The following FRMPD3 variants were observed in gnomAD, a reference collection of about 807,000 sequenced individuals.
FRMPD3 encodes the protein FERM and PDZ domain containing 3, also known as FERM and PDZ domain-containing protein 3.
In FRMPD3, 42 loss-of-function variants were observed where a neutral mutation model predicts 97.9. The observed-to-expected ratio is 0.43, with a 90% CI of 0.34 to 0.55. FRMPD3 has a LOEUF of 0.55. Among genes scored for constraint, FRMPD3 ranks in the 20% least tolerant of loss-of-function variants. The pLI is 0.03. For missense variants in FRMPD3, 1,303 were observed against 1,457.7 expected (o/e 0.89, Z 1.73); for synonymous variants, 577 against 581.1 (o/e 0.99, Z 0.10).
intron 1 of FRMPD3, among the ~76,000 whole-genome samples, chrX:107,522,117 G>A (rs2147544465): frequency 9.0e-6 from 1 of 111,424 alleles, no homozygotes; most frequent in East Asian, 2.8e-4. Flanking sequence ...GCTGCTGGGA[G>A]AATGAGCGGA....
Position 107,601,443 on chromosome X carries a change from G to A in FRMPD3, c.3404G>A (p.Ser1135Asn). Residue 1135 changes from serine to asparagine, a missense_variant, in exon 15 of 15, where the codon AGC (serine) becomes AAC (asparagine). By Grantham distance (46) the Ser-to-Asn change is conservative. Coordinates refer to ENST00000683843, the MANE Select transcript of FRMPD3 (RefSeq NM_001388459.1). ...PRATYPMALQ[S>N]PSCQSRSHSP... Reference sequence around the variant, plus strand: ...GCTACCTACCCCATGGCTCTGCAGAGCCCCAGCTGCCAGTCAAGAAGCCAC... The same window carrying A: ...GCTACCTACCCCATGGCTCTGCAGAACCCCAGCTGCCAGTCAAGAAGCCAC... 8.5e-7 allele frequency: 1 copy of A among 1,175,180 alleles called. No homozygotes were observed. The highest frequency in any genetic ancestry group is 1.1e-6 in the Non-Finnish European group (1 of 878,112).
In FRMPD3 at chrX:107,601,723, G is replaced by A; in HGVS notation, c.3684G>A (p.Gln1228=). 1 of 1,211,403 alleles carries A rather than the reference G, an allele frequency of 8.3e-7. No individual in the cohort carries two copies. Residue 1228 remains glutamine, a synonymous_variant, in exon 15 of 15, where the codon CAG becomes CAA. Coordinates refer to ENST00000683843, the MANE Select transcript of FRMPD3 (RefSeq NM_001388459.1). ...TCTCTGCCACCTTCCCAACCCGCCA[G>A]AAGAAGGAGACAGATGAGCGGCAGG... is the stretch of plus-strand genomic sequence containing the variant. ...NLFSATFPTR[Q]KKETDERQAQ...
At chrX:107,461,559 C>A (rs930942712) in intron 1 of FRMPD3, among the ~76,000 whole-genome samples, 3 of 110,852 alleles carry the variant, frequency 2.7e-5, no homozygotes, top group African/African-American at 9.9e-5. Flanking sequence ...AGCCTCCTAA[C>A]TGGTCTCTCT....
intron 13 of FRMPD3, among the ~76,000 whole-genome samples, chrX:107,592,718 G>A (rs1002944310): frequency 1.9e-4 from 20 of 105,322 alleles, no homozygotes; most frequent in African/African-American, 7.7e-4. Flanking sequence ...ATTCCCACCA[G>A]CAGTGTAAAA....
intron 1 of FRMPD3, among the ~76,000 whole-genome samples, chrX:107,507,260 C>T (rs1212658035): frequency 1.8e-5 from 2 of 110,689 alleles, no homozygotes; most frequent in Non-Finnish European, 3.8e-5. Flanking sequence ...GGCAGCCCTC[C>T]GGTCCTTTCG....
intron 1 of FRMPD3, among the ~76,000 whole-genome samples, chrX:107,492,762 T>A (rs1370597766): frequency 8.9e-6 from 1 of 112,024 alleles, no homozygotes; most frequent in African/African-American, 3.2e-5. Flanking sequence ...TACATCACAT[T>A]TCTCAAACGT....
At chrX:107,581,134 G>A (rs181264260) in intron 13 of FRMPD3, among the ~76,000 whole-genome samples, 1 of 111,462 alleles carries the variant, frequency 9.0e-6, no homozygotes, top group Non-Finnish European at 1.9e-5. Context: ...TTGAGACAGA[G>A]TCTCACTGTT....
intron 1 of FRMPD3, among the ~76,000 whole-genome samples, chrX:107,499,372 C>T (rs1921850277): frequency 8.9e-6 from 1 of 112,181 alleles, no homozygotes; most frequent in African/African-American, 3.2e-5. Context: ...GGCAAGACTA[C>T]CTTCTCTCTA....
chrX:107,466,059 C>T (rs764062792), intron 1 of FRMPD3, among the ~76,000 whole-genome samples: 1 of 112,426 alleles, frequency 8.9e-6, no homozygotes, highest in South Asian at 3.7e-4. Flanking sequence ...AGGTCGCCAT[C>T]TCCTTCTTTT....
intron 8 of FRMPD3, chrX:107,555,123 G>C (rs748954165): frequency 1.2e-4 from 14 of 112,743 alleles, no homozygotes; most frequent in Non-Finnish European, 2.2e-4. Flanking sequence ...ATGAGAGTTT[G>C]TTGTGTAGAG....
chrX:107,526,842 G>T (rs910030891), intron 2 of FRMPD3, 106 bp downstream of exon 2: 13 of 860,601 alleles, frequency 1.5e-5, no homozygotes, highest in Non-Finnish European at 1.9e-5. Flanking sequence ...TCTTGCTGAA[G>T]AATTCATGAA....
intron 1 of FRMPD3, among the ~76,000 whole-genome samples, chrX:107,453,761 A>G (rs1270036412): frequency 9.0e-6 from 1 of 111,350 alleles, no homozygotes; most frequent in African/African-American, 3.3e-5. Flanking sequence ...GGGGTTCTGT[A>G]TTATTTCCCA....
intron 13 of FRMPD3, among the ~76,000 whole-genome samples, chrX:107,584,843 G>A (rs1292982939): frequency 1.8e-5 from 2 of 111,818 alleles, no homozygotes; most frequent in Non-Finnish European, 3.8e-5. Context: ...TTTGGTTACT[G>A]TAGCCTCGTA....
intron 1 of FRMPD3, among the ~76,000 whole-genome samples, chrX:107,490,762 G>A (rs1013841673): frequency 8.9e-6 from 1 of 111,873 alleles, no homozygotes; most frequent in African/African-American, 3.3e-5. Context: ...CTGTGTGTGT[G>A]AAATGGTAAC....
At chrX:107,459,578 C>A in intron 1 of FRMPD3, among the ~76,000 whole-genome samples, 1 of 112,425 alleles carries the variant, frequency 8.9e-6, no homozygotes, top group Non-Finnish European at 1.9e-5. Flanking sequence ...TGGGCCAGGT[C>A]TGCCAGCCCT....
chrX:107,484,272 A>T (rs1921448679), intron 1 of FRMPD3, among the ~76,000 whole-genome samples: 1 of 112,483 alleles, frequency 8.9e-6, no homozygotes, highest in Admixed American at 9.3e-5. Flanking sequence ...TGGGGAAGAA[A>T]GGGGCCTCCG....
chrX:107,479,929 T>C (rs1411595919), intron 1 of FRMPD3, among the ~76,000 whole-genome samples: 1 of 108,170 alleles, frequency 9.2e-6, no homozygotes, highest in African/African-American at 3.4e-5. Context: ...AAAAGGTGAT[T>C]ACAAGGCTGG....
At chrX:107,463,949 G>T (rs760681518) in intron 1 of FRMPD3, among the ~76,000 whole-genome samples, 1 of 112,298 alleles carries the variant, frequency 8.9e-6, no homozygotes, top group African/African-American at 3.2e-5. Context: ...GGACCAGGTA[G>T]TCCTGAGTTT....
chrX:107,462,605 G>T lies in FRMPD3; in HGVS notation c.-8+12600G>T, dbSNP rs376511162. Among the ~76,000 whole-genome samples the T allele has an allele frequency of 2.7e-5, 3 of 111,839 alleles. No individual in the cohort carries two copies. The East Asian group carries it at 8.4e-4, about 31-fold the overall frequency. On this transcript the variant is annotated intron_variant, in intron 1 of 14. Coordinates refer to ENST00000683843, the MANE Select transcript of FRMPD3 (RefSeq NM_001388459.1). Reference sequence around the variant, plus strand: ...GGGCTGAAAGCTTAGGGTGCAAAATGCCCTGGAATTCTGCTGACTCTGATG... The same window carrying T: ...GGGCTGAAAGCTTAGGGTGCAAAATTCCCTGGAATTCTGCTGACTCTGATG...
Sources: allele counts gnomAD v4.1 joint callset (sites outside exome capture counted in the v4.1 genomes callset), GRCh38; gene constraint gnomAD v4.1.1; transcripts MANE v1.5; gene names NCBI Gene and HGNC (gene_info 2026-07-23, HGNC 2026-07-21).